LDB2: variants seen among roughly 807,000 people sequenced by gnomAD.
LDB2 encodes LIM domain binding 2.
Under a neutral mutation model 44.3 loss-of-function variants are expected in LDB2, and 12 were observed. The ratio of observed to expected loss-of-function variants is 0.27; its 90% CI spans 0.17 to 0.44. The LOEUF (loss-of-function observed/expected upper bound fraction) is 0.44, where lower values mean the gene tolerates loss of function less well. Ranked by LOEUF, LDB2 falls within the 20% of genes least tolerant of loss-of-function variation. LDB2 has a pLI of 1.00. For synonymous variants in LDB2, 164 were observed against 174.8 expected (o/e 0.94, Z 0.49); for missense variants, 344 against 473.5 (o/e 0.73, Z 2.54).
chr4:16,745,945 G>T (rs1764297999), intron 2 of LDB2, among the ~76,000 whole-genome samples: 1 of 151,586 alleles, frequency 6.6e-6, no homozygotes, highest in Non-Finnish European at 1.5e-5. Context: ...TACACAGTAT[G>T]GGCCTATATG....
At chr4:16,784,394 T>C (rs1773938875) in intron 1 of LDB2, among the ~76,000 whole-genome samples, 1 of 152,124 alleles carries the variant, frequency 6.6e-6, no homozygotes, top group African/African-American at 2.4e-5. Context: ...AAATTTAGTA[T>C]AAAAATTAAA....
intron 5 of LDB2, among the ~76,000 whole-genome samples, chr4:16,537,218 A>G (rs1443541063): frequency 2.0e-5 from 3 of 152,216 alleles, no homozygotes; most frequent in Middle Eastern, 6.3e-3. Context: ...GTGACAAAGC[A>G]AGCAAACTAT....
At chr4:16,740,426 G>A (rs147547344) in intron 2 of LDB2, among the ~76,000 whole-genome samples, 18 of 152,286 alleles carry the variant, frequency 1.2e-4, no homozygotes, top group East Asian at 7.7e-4. Context: ...TAGCTACATC[G>A]CACATCTTTT....
intron 1 of LDB2, among the ~76,000 whole-genome samples, chr4:16,857,387 GC>G: frequency 6.6e-6 from 1 of 152,288 alleles, no homozygotes; most frequent in East Asian, 1.9e-4. Context: ...CAGACGGATA[GC>G]CCTGCTTCCA....
At chr4:16,606,506 TG>T (rs1723977866) in intron 2 of LDB2, among the ~76,000 whole-genome samples, 1 of 152,264 alleles carries the variant, frequency 6.6e-6, no homozygotes, top group Admixed American at 6.5e-5. Context: ...TTTAATTTTT[TG>T]CCATTTAGAT....
At chr4:16,897,478 T>C (rs1712996111) in intron 1 of LDB2, among the ~76,000 whole-genome samples, 1 of 152,118 alleles carries the variant, frequency 6.6e-6, no homozygotes, top group Non-Finnish European at 1.5e-5. Context: ...TCAACTGACA[T>C]AAAATATTTA....
At chr4:16,702,296 C>T (rs1753617602) in intron 2 of LDB2, among the ~76,000 whole-genome samples, 1 of 152,192 alleles carries the variant, frequency 6.6e-6, no homozygotes, top group Non-Finnish European at 1.5e-5. Flanking sequence ...TTCCCATGAA[C>T]TTGGAAAGTT....
chr4:16,844,937 A>G (rs1786660763), intron 1 of LDB2, among the ~76,000 whole-genome samples: 1 of 152,222 alleles, frequency 6.6e-6, no homozygotes, highest in South Asian at 2.1e-4. Context: ...AAACTACATC[A>G]TGTCACGTCT....
chr4:16,731,330 C>A (rs897316947), intron 2 of LDB2, among the ~76,000 whole-genome samples: 1 of 152,150 alleles, frequency 6.6e-6, no homozygotes, highest in African/African-American at 2.4e-5. Flanking sequence ...TTGCTATGAA[C>A]TGAATTGTGT....
intron 1 of LDB2, among the ~76,000 whole-genome samples, chr4:16,821,386 T>TA (rs1781957181): frequency 4.0e-5 from 1 of 24,706 alleles, no homozygotes; most frequent in African/African-American, 8.8e-5. Flanking sequence ...ATTTTTTTTT[T>TA]ATTTTTTTTT....
chr4:16,712,637 G>C (rs905590786), intron 2 of LDB2, among the ~76,000 whole-genome samples: 3 of 152,072 alleles, frequency 2.0e-5, no homozygotes, highest in African/African-American at 7.2e-5. Context: ...AGTCACTAGG[G>C]AACTGCAAAT....
intron 2 of LDB2, among the ~76,000 whole-genome samples, chr4:16,754,142 C>T (rs1298713741): frequency 6.6e-6 from 1 of 152,354 alleles, no homozygotes; most frequent in South Asian, 2.1e-4. Flanking sequence ...GTTCTGGAGT[C>T]TTCTGCCCCA....
intron 1 of LDB2, among the ~76,000 whole-genome samples, chr4:16,826,201 A>G (rs1311939541): frequency 2.6e-5 from 4 of 152,178 alleles, no homozygotes; most frequent in Non-Finnish European, 5.9e-5. Context: ...TGAGATAGCT[A>G]TAACACTGAG....
chr4:16,522,730 C>CT (rs1726717777), intron 5 of LDB2, among the ~76,000 whole-genome samples: 1 of 151,994 alleles, frequency 6.6e-6, no homozygotes. Context: ...ATATTGGTCA[C>CT]TCTGTCTATG....
At chr4:16,566,852 C>T (rs1744702833) in intron 5 of LDB2, among the ~76,000 whole-genome samples, 2 of 151,920 alleles carry the variant, frequency 1.3e-5, no homozygotes, top group South Asian at 4.2e-4. Flanking sequence ...AAACAATTCA[C>T]AAGAAAGAAA....
At chr4:16,839,300 G>A (rs1469582917) in intron 1 of LDB2, among the ~76,000 whole-genome samples, 2 of 152,236 alleles carry the variant, frequency 1.3e-5, no homozygotes, top group East Asian at 1.9e-4. Flanking sequence ...GGCAAGGGGA[G>A]CCGATGTGTG....
At chr4:16,893,576 A>G (rs1724047673) in intron 1 of LDB2, among the ~76,000 whole-genome samples, 1 of 152,146 alleles carries the variant, frequency 6.6e-6, no homozygotes, top group African/African-American at 2.4e-5. Flanking sequence ...AAACCAGCAG[A>G]TTTAAATTTC....
At chr4:16,656,756 A>AT (rs565251398) in intron 2 of LDB2, among the ~76,000 whole-genome samples, 4 of 151,980 alleles carry the variant, frequency 2.6e-5, no homozygotes, top group Admixed American at 1.3e-4. Flanking sequence ...ATTCAGCGTG[A>AT]TTTTTTTTCT....
At chr4:16,819,889 C>A (rs534749721) in intron 1 of LDB2, among the ~76,000 whole-genome samples, 1 of 152,122 alleles carries the variant, frequency 6.6e-6, no homozygotes, top group African/African-American at 2.4e-5. Flanking sequence ...ACATAAATTG[C>A]GGATGACCTT....
Sources: allele counts gnomAD v4.1 joint callset (sites outside exome capture counted in the v4.1 genomes callset), GRCh38; gene constraint gnomAD v4.1.1; transcripts MANE v1.5; gene names NCBI Gene and HGNC (gene_info 2026-07-23, HGNC 2026-07-21).